The following RPL28 variants were observed in gnomAD, a reference collection of about 807,000 sequenced individuals.
RPL28 encodes the protein large ribosomal subunit protein eL28.
RPL28 carries 4 observed loss-of-function variants against 12.5 expected under a neutral mutation model. The ratio of observed to expected loss-of-function variants is 0.32; its 90% CI spans 0.16 to 0.73. The LOEUF is 0.73. Among genes scored for constraint, RPL28 ranks in the 30% least tolerant of loss-of-function variants. The probability of loss-of-function intolerance (pLI) is 0.66; values close to 1 mark genes in which losing one functional copy is unlikely to be tolerated. For missense variants in RPL28, 214 were observed against 197.7 expected (o/e 1.08, Z -0.49); for synonymous variants, 91 against 72.5 (o/e 1.26, Z -1.30).
chr19:55,398,660 C>T (rs1318605457), intron 4 of RPL28, among the ~76,000 whole-genome samples: 2 of 151,812 alleles, frequency 1.3e-5, no homozygotes, highest in Non-Finnish European at 2.9e-5. Flanking sequence ...TTTTCTTATT[C>T]GTTTGTAGGA....
intron 2 of RPL28, 64 bp downstream of exon 2, chr19:55,386,502 C>T (rs2089927378): frequency 1.2e-6 from 2 of 1,602,530 alleles, no homozygotes; most frequent in Admixed American, 1.7e-5. Flanking sequence ...GACTCTGGGT[C>T]AGAGGGCGGG....
intron 1 of RPL28, 64 bp downstream of exon 1, chr19:55,386,029 T>C: frequency 8.7e-6 from 3 of 345,334 alleles, no homozygotes; most frequent in South Asian, 8.3e-5. Flanking sequence ...CTCTCAGTCC[T>C]CTGCCTGCCT....
Position 55,391,730 on chromosome 19 carries a change from C to T in RPL28, c.*3398C>T. ...TGCAAAACCTGCTTGACTGTGCCCA[C>T]AAATCCTGATTGTAGGAATAAATTA... On this transcript the variant is annotated 3_prime_UTR_variant, in exon 5 of 5. Transcript: ENST00000344063. 6.6e-7 allele frequency: 1 copy of T among 1,509,122 alleles called. No individual in the cohort carries two copies. The highest frequency in any genetic ancestry group is 9.0e-7 in the Non-Finnish European group (1 of 1,114,984). The allele number at this position is 1,509,122 out of a possible 1,614,324, so 93.5% of individuals were successfully genotyped here. A position where few individuals can be genotyped will look rare whatever the true frequency, so the allele number is the denominator to read the frequency against.
chr19:55,387,175 C>T lies in RPL28; in HGVS notation c.205+482C>T, dbSNP rs1044217069. The T allele has an allele frequency of 7.6e-6, 10 of 1,310,854 alleles. No individual in the cohort carries two copies. The African/African-American group carries it at 1.3e-4, about 17-fold the overall frequency. 81.2% of individuals were successfully genotyped at this position (1,310,854 alleles called of 1,614,324 possible). On this transcript the variant is annotated intron_variant, in intron 3 of 4. Transcript: ENST00000344063. Reference sequence around the variant, plus strand: ...GACCCCACTCCATACATTGTGCTGTCAGGTGCAGGCCTTTTTGGGGATTCC... The same window carrying T: ...GACCCCACTCCATACATTGTGCTGTTAGGTGCAGGCCTTTTTGGGGATTCC...
intron 4 of RPL28, chr19:55,401,716 T>C (rs764747972): frequency 6.2e-7 from 1 of 1,613,446 alleles, no homozygotes. Context: ...CGCCTCCTCG[T>C]TGAGTGCAGA....
rs779260253 is a variant in RPL28 at position 55,389,985 on chromosome 19, G to A, written c.*1653G>A. 38 of 985,502 alleles carry A rather than the reference G, an allele frequency of 3.9e-5. No homozygotes were observed. Among genetic ancestry groups the A allele is most frequent in the Admixed American group, 6.1e-5 (1 of 16,270 alleles). The allele number at this position is 985,502 out of a possible 1,614,324, so 61.0% of individuals were successfully genotyped here. On this transcript the variant is annotated 3_prime_UTR_variant, in exon 5 of 5. Coordinates refer to ENST00000344063, the MANE Select transcript of RPL28 (RefSeq NM_000991.5). ...TTCATAAGGAGAGCTCACTGCTCAC[G>A]TTAGTAGATGGCCCCTTCTCGTGAG...
At chr19:55,402,263 C>T (rs530452315) in intron 4 of RPL28, among the ~76,000 whole-genome samples, 4 of 152,316 alleles carry the variant, frequency 2.6e-5, no homozygotes, top group Non-Finnish European at 5.9e-5. Flanking sequence ...TAAAGCTCCC[C>T]ATCTTTCCAG....
At chr19:55,395,041 A>G (rs2090012761), downstream of RPL28, among the ~76,000 whole-genome samples, 1 of 152,224 alleles carries the variant, frequency 6.6e-6, no homozygotes, top group South Asian at 2.1e-4. Flanking sequence ...ATGCCTCTGG[A>G]TAGTCACAAT....
chr19:55,396,050 C>T (rs10403989), downstream of RPL28, among the ~76,000 whole-genome samples: 4,741 of 151,702 alleles, frequency 0.031, 260 homozygotes, highest in African/African-American at 0.11. Flanking sequence ...GGCTGAGATG[C>T]GAGGATCCCT....
rs2089982992 is a variant in RPL28 at position 55,390,796 on chromosome 19, G to C, written c.*2464G>C. ...GAACCAGGAGAGGGCTGGAGGGAGG[G>C]AGATGGTCTCAGCCCCACAGAGTTT... is the stretch of plus-strand genomic sequence containing the variant. On this transcript the variant is annotated 3_prime_UTR_variant, in exon 5 of 5. Transcript: ENST00000344063. The C allele has an allele frequency of 1.1e-5, 11 of 985,498 alleles. No homozygotes were observed. Among genetic ancestry groups the C allele is most frequent in the Non-Finnish European group, 1.2e-5 (10 of 829,974 alleles). 61.0% of individuals were successfully genotyped at this position (985,498 alleles called of 1,614,324 possible). A position where few individuals can be genotyped will look rare whatever the true frequency, so the allele number is the denominator to read the frequency against.
At chr19:55,396,803 ATCT>A, downstream of RPL28, among the ~76,000 whole-genome samples, 1 of 150,476 alleles carries the variant, frequency 6.6e-6, no homozygotes. Context: ...GATGTTCTCG[ATCT>A]CCTGACCTTG....
downstream of RPL28, among the ~76,000 whole-genome samples, chr19:55,394,724 G>T (rs752085574): frequency 9.2e-5 from 14 of 151,644 alleles, no homozygotes; most frequent in Non-Finnish European, 2.1e-4. Flanking sequence ...GGTGTGTGCT[G>T]CCACACCCAG....
rs990290525 is a variant in RPL28, at chr19:55,391,278, T to C, written c.*2946T>C. ...GTTCCAGTCCCAGCTCTGCCAGTTA[T>C]GCCCAGCTGTGGGGACTTGGGCAGC... On this transcript the variant is annotated 3_prime_UTR_variant, in exon 5 of 5. Coordinates refer to ENST00000344063, the MANE Select transcript of RPL28 (RefSeq NM_000991.5). 1 of 433,180 alleles carries C rather than the reference T, an allele frequency of 2.3e-6. No homozygotes were observed. Among genetic ancestry groups the C allele is most frequent in the Non-Finnish European group, 3.5e-6 (1 of 284,086 alleles). The allele number at this position is 433,180 out of a possible 1,614,324, so 26.8% of individuals were successfully genotyped here. A position where few individuals can be genotyped will look rare whatever the true frequency, so the allele number is the denominator to read the frequency against.
chr19:55,387,220 G>A (rs142854497), intron 3 of RPL28: 14 of 1,457,728 alleles, frequency 9.6e-6, no homozygotes, highest in South Asian at 4.9e-5. Flanking sequence ...CGTGTGAGTC[G>A]GGGGTCTCTA....
chr19:55,386,490 T>C (rs2089927201), intron 2 of RPL28, 52 bp downstream of exon 2: 4 of 1,601,480 alleles, frequency 2.5e-6, no homozygotes, highest in South Asian at 2.2e-5. Context: ...CCTGAGTCTC[T>C]TGACTCTGGG....
chr19:55,390,046 C>G lies in RPL28; in HGVS notation c.*1714C>G, dbSNP rs1052455035. ...TGGCACCTGCTTCAGTTGTCCTCCA[C>G]AGCACTGATTTGCAGCCCACAAGCT... On this transcript the variant is annotated 3_prime_UTR_variant, in exon 5 of 5. Coordinates refer to ENST00000344063, the MANE Select transcript of RPL28 (RefSeq NM_000991.5). The G allele has an allele frequency of 5.1e-6, 5 of 985,466 alleles. No homozygotes were observed. The highest frequency in any genetic ancestry group is 6.0e-6 in the Non-Finnish European group (5 of 830,026). The allele number at this position is 985,466 out of a possible 1,614,324, so 61.0% of individuals were successfully genotyped here.
chr19:55,395,093 G>A (rs1047739317), downstream of RPL28, among the ~76,000 whole-genome samples: 1 of 152,136 alleles, frequency 6.6e-6, no homozygotes, highest in Non-Finnish European at 1.5e-5. Flanking sequence ...GGAATACCAT[G>A]TGATGAATAT....
rs1160804875 is a variant in RPL28 at position 55,388,864 on chromosome 19, C to T, written c.*532C>T. ...GGCTTTACTTGATGCAACCTCATCT[C>T]TGAGATGGGCAACTTGGTGGGTGGT... On this transcript the variant is annotated 3_prime_UTR_variant, in exon 5 of 5. Transcript: ENST00000344063. The T allele has an allele frequency of 4.1e-6, 4 of 986,054 alleles. No individual in the cohort carries two copies. Among genetic ancestry groups the T allele is most frequent in the Middle Eastern group, 5.1e-4 (1 of 1,942 alleles). The allele number at this position is 986,054 out of a possible 1,614,324, so 61.1% of individuals were successfully genotyped here. A position where few individuals can be genotyped will look rare whatever the true frequency, so the allele number is the denominator to read the frequency against.
intron 4 of RPL28, chr19:55,401,701 C>T (rs762293175): frequency 5.0e-6 from 8 of 1,613,008 alleles, no homozygotes; most frequent in South Asian, 1.1e-5. Flanking sequence ...CAAGAGCAGG[C>T]GGCCCGCCTC....
Sources: allele counts gnomAD v4.1 joint callset (sites outside exome capture counted in the v4.1 genomes callset), GRCh38; gene constraint gnomAD v4.1.1; transcripts MANE v1.5; gene names NCBI Gene and HGNC (gene_info 2026-07-23, HGNC 2026-07-21).